Variants in COG6 observed in about 807,000 individuals in gnomAD.
COG6 encodes the protein component of oligomeric golgi complex 6.
COG6 carries 74 observed loss-of-function variants against 88.8 expected under a neutral mutation model. The observed-to-expected ratio is 0.83, with a 90% CI of 0.69 to 1.01. COG6 has a LOEUF of 1.01. COG6 is among the 50% of genes least tolerant of loss of function. The probability of loss-of-function intolerance (pLI) is 0.00; values close to 1 mark genes in which losing one functional copy is unlikely to be tolerated. For synonymous variants in COG6, 286 were observed against 278.7 expected (o/e 1.03, Z -0.26); for missense variants, 800 against 797.9 (o/e 1.00, Z -0.03).
At chr13:39,709,520 C>G (rs1267257453) in intron 13 of COG6, among the ~76,000 whole-genome samples, 7 of 148,638 alleles carry the variant, frequency 4.7e-5, no homozygotes, top group African/African-American at 1.7e-4. Context: ...TTATTTAGCT[C>G]CCACTTATAA....
At chr13:39,741,988 A>T (rs1880068749) in intron 18 of COG6, among the ~76,000 whole-genome samples, 2 of 152,242 alleles carry the variant, frequency 1.3e-5, no homozygotes, top group Admixed American at 1.3e-4. Context: ...CTAGAATTTC[A>T]TATCCAGACA....
intron 8 of COG6, among the ~76,000 whole-genome samples, chr13:39,686,629 A>G (rs955945168): frequency 6.6e-6 from 1 of 152,234 alleles, no homozygotes; most frequent in Non-Finnish European, 1.5e-5. Flanking sequence ...TTAAAGATGG[A>G]TAGCAATTTT....
chr13:39,725,686 CTA>C (rs10564999), intron 17 of COG6, among the ~76,000 whole-genome samples: 62,902 of 145,426 alleles, frequency 0.43, 13,426 homozygotes, highest in Admixed American at 0.58. Context: ...GTTATAACTT[CTA>C]TATATGAAAC....
intron 18 of COG6, among the ~76,000 whole-genome samples, chr13:39,786,888 C>T (rs897362857): frequency 1.3e-5 from 2 of 152,176 alleles, no homozygotes; most frequent in African/African-American, 4.8e-5. Flanking sequence ...AACTGTCTCC[C>T]ATCCATAATA....
intron 13 of COG6, among the ~76,000 whole-genome samples, chr13:39,711,503 G>C (rs529731693): frequency 7.1e-4 from 61 of 85,554 alleles, no homozygotes; most frequent in African/African-American, 2.2e-3. Flanking sequence ...TCTAAGCTCT[G>C]CCCCTTCTAA....
chr13:39,762,829 A>G (rs1489092017), intron 18 of COG6, among the ~76,000 whole-genome samples: 3 of 147,446 alleles, frequency 2.0e-5, no homozygotes, highest in Non-Finnish European at 4.5e-5. Context: ...TATGCTGGCT[A>G]GAACCTCCAG....
At position 39,687,590 on chromosome 13, in the gene COG6, T is replaced by C; in HGVS notation, c.876T>C (p.Gly292=). The C allele has an allele frequency of 6.2e-7, 1 of 1,613,714 alleles. No homozygotes were observed. The highest frequency in any genetic ancestry group is 8.5e-7 in the Non-Finnish European group (1 of 1,179,974). ...CGCTCACAAGAGGGGGCCCCGGAGGTACACCTAGACCAATTGAAATGCATT... is the reference window on the plus strand; with the variant it reads ...CGCTCACAAGAGGGGGCCCCGGAGGCACACCTAGACCAATTGAAATGCATT... ...IDALTRGGPG[G]TPRPIEMHSH... is the part of the protein sequence containing the mutation. The change falls in exon 9 of 19, where the codon GGT becomes GGC. Residue 292 remains glycine, a synonymous_variant. Transcript: ENST00000455146.
chr13:39,728,552 T>G (rs969658353), intron 18 of COG6, among the ~76,000 whole-genome samples: 8 of 152,196 alleles, frequency 5.3e-5, no homozygotes, highest in African/African-American at 1.7e-4. Context: ...TAATTTTTTT[T>G]TGTGACCTTT....
chr13:39,727,387 T>G (rs933294409), intron 17 of COG6, 82 bp from the exon 18 acceptor site: 10 of 1,020,132 alleles, frequency 9.8e-6, no homozygotes, highest in South Asian at 1.3e-5. Context: ...AAGGATTTAA[T>G]TCTTAAAAGA....
In COG6 at chr13:39,709,371, G is replaced by A. The variant is rs567840438; in HGVS notation, c.1284+9753G>A. ...TATATATTATGTAATGGTGAAGTCT[G>A]GGCTTTTAGTGTAATCATCACCTGA... is the stretch of plus-strand genomic sequence containing the variant. On this transcript the variant is annotated intron_variant, in intron 13 of 18. Coordinates refer to ENST00000455146, the MANE Select transcript of COG6 (RefSeq NM_020751.3). 2.3e-3 allele frequency among the ~76,000 whole-genome samples: 348 copies of A among 152,046 alleles called. 1 individual carries two copies. The highest frequency in any genetic ancestry group is 4.3e-3 in the Admixed American group (66 of 15,264).
chr13:39,719,908 A>AGTTTTAAT (rs1878759017), intron 15 of COG6, 81 bp downstream of exon 15: 9 of 1,094,344 alleles, frequency 8.2e-6, no homozygotes, highest in Admixed American at 1.8e-5. Context: ...TGGCTTAACT[A>AGTTTTAAT]GTTTTAATGA....
intron 18 of COG6, among the ~76,000 whole-genome samples, chr13:39,781,516 A>T (rs1178488812): frequency 2.7e-5 from 4 of 150,782 alleles, no homozygotes; most frequent in Non-Finnish European, 1.5e-5. Flanking sequence ...GCAGGCTGTG[A>T]TCGCTGAATA....
Position 39,687,694 on chromosome 13 carries a change from T to G in COG6, c.918-14T>G. ...TTCCAAAGGAAATCTTCATTAACAT[T>G]TAGTTTTCATTAGGTATGTAGGAGA... On this transcript the variant is annotated splice_polypyrimidine_tract_variant and intron_variant, in intron 9 of 18. Coordinates refer to ENST00000455146, the MANE Select transcript of COG6 (RefSeq NM_020751.3). The G allele has an allele frequency of 6.2e-7, 1 of 1,613,804 alleles. No individual in the cohort carries two copies.
intron 4 of COG6, 79 bp from the exon 5 acceptor site, chr13:39,677,389 T>C (rs1876034338): frequency 1.2e-6 from 1 of 804,132 alleles, no homozygotes; most frequent in Non-Finnish European, 2.2e-6. Context: ...AAATTTATTA[T>C]GTCTGAGATA....
At chr13:39,787,557 G>C (rs1009850899) in intron 18 of COG6, among the ~76,000 whole-genome samples, 1 of 152,088 alleles carries the variant, frequency 6.6e-6, no homozygotes, top group Admixed American at 6.6e-5. Context: ...CTATGTGTTT[G>C]CTGTTTTAAT....
rs140124192 is a variant in COG6, at chr13:39,731,381, A to G, written c.1826+3833A>G. 2.6e-3 allele frequency among the ~76,000 whole-genome samples: 389 copies of G among 152,338 alleles called. 1 individual carries two copies. The highest frequency in any genetic ancestry group is 8.9e-3 in the African/African-American group (370 of 41,562). Reference sequence around the variant, plus strand: ...TAGGAAATAGGGAAAAGAATAGAGAAAGAAAATGGTTTTAAAGAATTCTTC... The same window carrying G: ...TAGGAAATAGGGAAAAGAATAGAGAGAGAAAATGGTTTTAAAGAATTCTTC... On this transcript the variant is annotated intron_variant, in intron 18 of 18. Coordinates refer to ENST00000455146, the MANE Select transcript of COG6 (RefSeq NM_020751.3).
chr13:39,664,993 A>G, intron 3 of COG6, 103 bp from the exon 4 acceptor site: 1 of 701,670 alleles, frequency 1.4e-6, no homozygotes, highest in Non-Finnish European at 2.6e-6. Flanking sequence ...CCATAGAGTG[A>G]TCTCATTTGT....
intron 17 of COG6, 116 bp from the exon 18 acceptor site, chr13:39,727,353 T>G (rs562988791): frequency 1.3e-6 from 1 of 783,504 alleles, no homozygotes; most frequent in East Asian, 2.6e-5. Context: ...ACAATCTAGT[T>G]ATTTAGAGTA....
chr13:39,660,300 A>G (rs1874817381), intron 2 of COG6, among the ~76,000 whole-genome samples: 2 of 152,242 alleles, frequency 1.3e-5, no homozygotes, highest in Non-Finnish European at 2.9e-5. Flanking sequence ...GGCTCACGCA[A>G]TTCTCCCACC....
Sources: gnomAD v4.1 joint callset for allele counts (sites outside exome capture counted in the v4.1 genomes callset) on GRCh38, gnomAD v4.1.1 for gene constraint, MANE v1.5 for transcripts, NCBI Gene and HGNC (gene_info 2026-07-23, HGNC 2026-07-21) for gene names.